The following MYO10 variants were observed in gnomAD, a reference collection of about 807,000 sequenced individuals.
The protein encoded by MYO10 is unconventional myosin-X.
Under a neutral mutation model 257.3 loss-of-function variants are expected in MYO10, and 133 were observed. That is an observed-to-expected ratio of 0.52 (90% CI 0.45 to 0.60). The LOEUF (loss-of-function observed/expected upper bound fraction) is 0.60. Among genes scored for constraint, MYO10 ranks in the 20% least tolerant of loss-of-function variants. The pLI is 0.00. For missense variants in MYO10, 2,399 were observed against 2,635.7 expected (o/e 0.91, Z 1.97); for synonymous variants, 1,104 against 1,028.6 (o/e 1.07, Z -1.40).
rs1656662944 is a variant in MYO10 at position 16,701,051 on chromosome 5, C to G, written c.3344G>C (p.Ser1115Thr). Reference sequence around the variant, plus strand: ...GCAGCGGTAGTCGGGGGACCACTGGCTGCCGTAGGAGTTGGAGAAGGTCAC... The same window carrying G: ...GCAGCGGTAGTCGGGGGACCACTGGGTGCCGTAGGAGTTGGAGAAGGTCAC... ...SSVTFSNSYG[S>T]QWSPDYRCSV... Residue 1115 changes from serine to threonine, a missense_variant, in exon 25 of 41, where the codon AGC becomes ACC. By Grantham distance (58) the Ser-to-Thr change is moderately conservative (BLOSUM62 1). Coordinates refer to ENST00000513610, the MANE Select transcript of MYO10 (RefSeq NM_012334.3). The surrounding 1 kb of genome is among the most constrained non-coding windows in gnomAD (Gnocchi z 8.1). 5 of 1,566,664 alleles carry G rather than the reference C, an allele frequency of 3.2e-6. No individual in the cohort carries two copies. The African/African-American group carries it at 5.4e-5, about 17-fold the overall frequency.
intron 9 of MYO10, among the ~76,000 whole-genome samples, chr5:16,775,103 G>A (rs1259238929): frequency 6.6e-6 from 1 of 152,156 alleles, no homozygotes; most frequent in African/African-American, 2.4e-5. Flanking sequence ...AACCTGGTGG[G>A]CCAAATGCAA....
In MYO10 at chr5:16,848,155, C is replaced by CTTTTTTTTTTTTTTTTCT. The variant is rs1554002457; in HGVS notation, c.120+29453_120+29454insAGAAAAAAAAAAAAAAAA. Reference sequence around the variant, plus strand: ...TGATTAAGCAAAGAACTACACATTTCTTTTTTTTTTTTTTTTTTGTGAGAG... The same window carrying CTTTTTTTTTTTTTTTTCT: ...TGATTAAGCAAAGAACTACACATTTCTTTTTTTTTTTTTTTTCTTTTTTTTTTTTTTTTTTTGTGAGAG... On this transcript the variant is annotated intron_variant, in intron 2 of 40. Transcript: ENST00000513610. Among the ~76,000 whole-genome samples, 140 of 113,542 alleles carry CTTTTTTTTTTTTTTTTCT rather than the reference C, an allele frequency of 1.2e-3. 2 individuals are homozygous for CTTTTTTTTTTTTTTTTCT. Among genetic ancestry groups the CTTTTTTTTTTTTTTTTCT allele is most frequent in the African/African-American group, 4.7e-3 (126 of 26,718 alleles). The allele number at this position is 113,542 out of a possible 152,430, so 74.5% of individuals were successfully genotyped here. A position where few individuals can be genotyped will look rare whatever the true frequency, so the allele number is the denominator to read the frequency against.
intron 2 of MYO10, 30 bp downstream of exon 2, chr5:16,877,579 T>C: frequency 6.4e-7 from 1 of 1,556,366 alleles, no homozygotes; most frequent in Non-Finnish European, 8.9e-7. Context: ...AGACCATGGA[T>C]GTTGGGAAGC....
chr5:16,685,712 C>A (rs1185115164), intron 29 of MYO10, 26 bp downstream of exon 29: 1 of 1,544,458 alleles, frequency 6.5e-7, no homozygotes, highest in South Asian at 1.2e-5. Context: ...GACGCCCCAC[C>A]CCCATCCCAC....
chr5:16,665,894 C>T lies in MYO10; in HGVS notation c.*798G>A, dbSNP rs1012098715. 1.5e-4 allele frequency: 23 copies of T among 152,552 alleles called. No homozygotes were observed. The highest frequency in any genetic ancestry group is 4.1e-4 in the African/African-American group (17 of 41,438). The allele number at this position is 152,552 out of a possible 1,614,324, so 9.4% of individuals were successfully genotyped here. A position where few individuals can be genotyped will look rare whatever the true frequency, so the allele number is the denominator to read the frequency against. On this transcript the variant is annotated 3_prime_UTR_variant, in exon 41 of 41. Transcript: ENST00000513610. Reference sequence around the variant, plus strand: ...TACATGTAAAACAATGGAGTCAACACGTGTTTTTCAAAATACAGCAAAGAC... The same window carrying T: ...TACATGTAAAACAATGGAGTCAACATGTGTTTTTCAAAATACAGCAAAGAC...
rs750315039 is a variant in MYO10, at chr5:16,762,545, C to A, written c.1587G>T (p.Ala529=). The change falls in exon 15 of 41, where the codon GCG becomes GCT. Residue 529 remains alanine, a splice_region_variant and synonymous_variant. Transcript: ENST00000513610. ...TLLEKLHSQH[A]NNHFYVKPRV... Reference sequence around the variant, plus strand: ...TGAAGAATTGCAGGTTTTGACATACCGCATGCTGACTGTGTAGCTTCTCCA... The same window carrying A: ...TGAAGAATTGCAGGTTTTGACATACAGCATGCTGACTGTGTAGCTTCTCCA... 6 of 1,600,834 alleles carry A rather than the reference C, an allele frequency of 3.7e-6. No individual in the cohort carries two copies. Among genetic ancestry groups the A allele is most frequent in the Non-Finnish European group, 4.3e-6 (5 of 1,172,820 alleles).
intron 21 of MYO10, 52 bp from the exon 22 acceptor site, chr5:16,704,737 G>T: frequency 7.0e-7 from 1 of 1,433,218 alleles, no homozygotes; most frequent in Non-Finnish European, 9.8e-7. Flanking sequence ...CCAGCAGAAG[G>T]AAGGCATTTC....
chr5:16,876,700 G>C (rs576461006), intron 2 of MYO10, among the ~76,000 whole-genome samples: 3 of 152,228 alleles, frequency 2.0e-5, no homozygotes, highest in African/African-American at 7.2e-5. Flanking sequence ...GATTACAGGT[G>C]CCTGCCACCA....
chr5:16,930,023 T>C (rs763894112), intron 1 of MYO10, among the ~76,000 whole-genome samples: 1 of 152,198 alleles, frequency 6.6e-6, no homozygotes, highest in Non-Finnish European at 1.5e-5. Flanking sequence ...CATGAGGACA[T>C]TTCAATGCCA....
intron 11 of MYO10, among the ~76,000 whole-genome samples, 168 bp from the exon 12 acceptor site, chr5:16,764,564 T>C (rs1246595970): frequency 6.6e-6 from 1 of 152,236 alleles, no homozygotes; most frequent in Non-Finnish European, 1.5e-5. Flanking sequence ...AAAGAAAAGA[T>C]AAACTGGAAT....
chr5:16,703,214 T>C (rs1417373285), intron 22 of MYO10, 56 bp from the exon 23 acceptor site: 5 of 1,327,380 alleles, frequency 3.8e-6, no homozygotes, highest in Non-Finnish European at 4.2e-6. Context: ...CTTTGAGCTA[T>C]TCAAATGAGC....
chr5:16,756,642 G>A (rs575524510), intron 18 of MYO10, among the ~76,000 whole-genome samples: 6 of 152,150 alleles, frequency 3.9e-5, no homozygotes, highest in East Asian at 1.9e-4. Context: ...AAATTCTCAC[G>A]AGGTGTCCTG....
At position 16,930,126 on chromosome 5, in the gene MYO10, A is replaced by C. The variant is rs117963502; in HGVS notation, c.21+5662T>G. Among the ~76,000 whole-genome samples the C allele has an allele frequency of 8.5e-4, 130 of 152,304 alleles. 1 individual carries two copies. The East Asian group carries it at 0.021, about 25-fold the overall frequency. ...GGGGAGAGGGTTTGTAAAGCATGTAAAGCCTCTAGCTAACAGCAGTAAATC... is the reference window on the plus strand; with the variant it reads ...GGGGAGAGGGTTTGTAAAGCATGTACAGCCTCTAGCTAACAGCAGTAAATC... On this transcript the variant is annotated intron_variant, in intron 1 of 40. Transcript: ENST00000513610.
intron 1 of MYO10, among the ~76,000 whole-genome samples, chr5:16,935,056 G>A (rs568833677): frequency 6.6e-6 from 1 of 152,112 alleles, no homozygotes; most frequent in Non-Finnish European, 1.5e-5. Flanking sequence ...TCCCAAAGGG[G>A]GAAAAAGGGT....
chr5:16,916,179 C>T (rs572772092), intron 1 of MYO10: 3 of 455,666 alleles, frequency 6.6e-6, no homozygotes, highest in Middle Eastern at 3.3e-4. Flanking sequence ...ACCTTCGTTC[C>T]GCCACGTCAG....
At chr5:16,852,607 T>C (rs1423202771) in intron 2 of MYO10, among the ~76,000 whole-genome samples, 1 of 151,680 alleles carries the variant, frequency 6.6e-6, no homozygotes, top group Non-Finnish European at 1.5e-5. Context: ...AGGCCCAGAC[T>C]AGCTGGACCT....
At chr5:16,694,200 T>C (rs25910) in intron 27 of MYO10, among the ~76,000 whole-genome samples, 171 bp downstream of exon 27, 90,004 of 152,122 alleles carry the variant, frequency 0.59, 27,175 homozygotes, top group African/African-American at 0.71. Context: ...AAAGTACTCA[T>C]GGATTAAGTC....
rs765701954 is a variant in MYO10 at position 16,935,818 on chromosome 5, G to T, written c.-10C>A. ...TGAAGAAGTTATCCATTGTTCCAGC[G>T]CAGTCCCGGACTCGCCGAGTGCCGC... is the stretch of plus-strand genomic sequence containing the variant. On this transcript the variant is annotated 5_prime_UTR_variant, in exon 1 of 41. Coordinates refer to ENST00000513610, the MANE Select transcript of MYO10 (RefSeq NM_012334.3). The T allele has an allele frequency of 6.2e-7, 1 of 1,613,026 alleles. No individual in the cohort carries two copies. Among genetic ancestry groups the T allele is most frequent in the Non-Finnish European group, 8.5e-7 (1 of 1,179,632 alleles).
chr5:16,888,655 T>A (rs1267764247), intron 1 of MYO10, among the ~76,000 whole-genome samples: 4 of 150,274 alleles, frequency 2.7e-5, no homozygotes, highest in Non-Finnish European at 5.9e-5. Flanking sequence ...GGCAGGAGGA[T>A]CCCTTGAGCC....
Sources: allele counts gnomAD v4.1 joint callset (sites outside exome capture counted in the v4.1 genomes callset), GRCh38; gene constraint gnomAD v4.1.1; non-coding constraint Gnocchi (gnomAD v3.1); transcripts MANE v1.5; gene names NCBI Gene and HGNC (gene_info 2026-07-23, HGNC 2026-07-21).